Variants in CACNA1B observed in about 807,000 individuals in gnomAD.
CACNA1B encodes calcium voltage-gated channel subunit alpha1 B.
A neutral mutation model predicts 247.2 loss-of-function variants in CACNA1B; 70 were observed. The ratio of observed to expected loss-of-function variants is 0.28; its 90% CI spans 0.23 to 0.35. The LOEUF (loss-of-function observed/expected upper bound fraction) is 0.35, where lower values mean the gene tolerates loss of function less well. Among genes scored for constraint, CACNA1B ranks in the 10% least tolerant of loss-of-function variants. The pLI, the probability that CACNA1B is intolerant of heterozygous loss-of-function variation, is 1.00. For missense variants in CACNA1B, 2,367 were observed against 3,197.4 expected, an observed-to-expected ratio of 0.74 and a Z score of 6.26; for synonymous variants, 1,231 against 1,294.4, an observed-to-expected ratio of 0.95 and a Z score of 1.05.
intron 6 of CACNA1B, among the ~76,000 whole-genome samples, chr9:137,920,799 A>G (rs1346243480): frequency 6.6e-6 from 1 of 152,206 alleles, no homozygotes; most frequent in Non-Finnish European, 1.5e-5. Context: ...TTGCTCATAG[A>G]GTGGATGTGA....
Position 138,014,552 on chromosome 9 carries a change from G to A in CACNA1B, c.2267+1317G>A, listed in dbSNP as rs1466897300. On this transcript the variant is annotated intron_variant, in intron 18 of 46. Coordinates refer to ENST00000371372, the MANE Select transcript of CACNA1B (RefSeq NM_000718.4). This position sits in a 1 kb window ranked among gnomAD's most constrained non-coding sequence, Gnocchi z 6.2. ...GATCTTTCATTGTCTTGGCCAATTC[G>A]GTTATTTGGTTCATTAGTTATTTAG... Among the ~76,000 whole-genome samples the A allele has an allele frequency of 1.3e-5, 2 of 152,132 alleles. No individual in the cohort carries two copies. Among genetic ancestry groups the A allele is most frequent in the Admixed American group, 6.5e-5 (1 of 15,274 alleles).
At chr9:138,087,384 C>CAAA (rs58566171) in intron 36 of CACNA1B, among the ~76,000 whole-genome samples, 9 of 52,656 alleles carry the variant, frequency 1.7e-4, no homozygotes, top group South Asian at 7.9e-4. Flanking sequence ...GACTCTGTCT[C>CAAA]AAAAAAAAAA....
At chr9:138,004,935 G>A (rs1449343604) in intron 15 of CACNA1B, among the ~76,000 whole-genome samples, 1 of 152,192 alleles carries the variant, frequency 6.6e-6, no homozygotes. Context: ...CCACAGTGAG[G>A]TATCGTCTCA....
At chr9:138,047,094 C>T in intron 22 of CACNA1B, 61 bp downstream of exon 22, 2 of 1,515,718 alleles carry the variant, frequency 1.3e-6, no homozygotes, top group Non-Finnish European at 8.9e-7. Flanking sequence ...GGTGCCTTCC[C>T]AGGGGCCCAA....
At position 138,120,209 on chromosome 9, in the gene CACNA1B, G is replaced by A. The variant is rs1962033703; in HGVS notation, c.6075G>A (p.Leu2025=). Residue 2025 remains leucine, a synonymous_variant, in exon 45 of 47, where the codon CTG becomes CTA. Transcript: ENST00000371372. ...CCATGAAGCGCTCCATCTCCACGCTGGCCCAGCGGCCCCGTGGGACTCATC... is the reference window on the plus strand; with the variant it reads ...CCATGAAGCGCTCCATCTCCACGCTAGCCCAGCGGCCCCGTGGGACTCATC... ...ASPMKRSIST[L]AQRPRGTHLC... is the part of the protein sequence containing the mutation. 1 of 1,608,822 alleles carries A rather than the reference G, an allele frequency of 6.2e-7. No individual in the cohort carries two copies. The highest frequency in any genetic ancestry group is 8.5e-7 in the Non-Finnish European group (1 of 1,178,312).
intron 6 of CACNA1B, among the ~76,000 whole-genome samples, chr9:137,925,216 G>A (rs1367251560): frequency 6.6e-6 from 1 of 152,200 alleles, no homozygotes; most frequent in East Asian, 1.9e-4. Context: ...CGTGAGTGGG[G>A]AGCGCCATCC....
chr9:138,118,045 C>T lies in CACNA1B; in HGVS notation c.5877C>T (p.His1959=), dbSNP rs1487796433. The T allele has an allele frequency of 6.3e-7, 1 of 1,596,556 alleles. No individual in the cohort carries two copies. Among genetic ancestry groups the T allele is most frequent in the Non-Finnish European group, 8.5e-7 (1 of 1,171,586 alleles). Residue 1959 remains histidine, a synonymous_variant, in exon 43 of 47, where the codon CAC becomes CAT. Transcript: ENST00000371372. Reference sequence around the variant, plus strand: ...CCAGGCCACCCCTGGAGCGTGGCCACTCCACAGAGATCCCTGTGGGGCGGT... The same window carrying T: ...CCAGGCCACCCCTGGAGCGTGGCCATTCCACAGAGATCCCTGTGGGGCGGT... ...HEARPPLERG[H]STEIPVGRSG...
intron 15 of CACNA1B, among the ~76,000 whole-genome samples, chr9:138,006,203 CAT>C (rs1958647583): frequency 6.6e-6 from 1 of 152,080 alleles, no homozygotes; most frequent in Non-Finnish European, 1.5e-5. Context: ...GTGGGGGACA[CAT>C]GAGTGTTTAT....
intron 10 of CACNA1B, among the ~76,000 whole-genome samples, chr9:137,958,552 G>T (rs1174494681): frequency 1.3e-5 from 2 of 152,204 alleles, no homozygotes; most frequent in Admixed American, 1.3e-4. Context: ...TTGTTCAGTT[G>T]CTCGTCTGCT....
At chr9:138,115,908 G>A (rs544005381) in intron 42 of CACNA1B, among the ~76,000 whole-genome samples, 1 of 152,342 alleles carries the variant, frequency 6.6e-6, no homozygotes, top group South Asian at 2.1e-4. Flanking sequence ...GTTCTCAGGG[G>A]CTGGCTTTGC....
At chr9:138,029,527 A>G (rs1482161480) in intron 20 of CACNA1B, among the ~76,000 whole-genome samples, 1 of 151,954 alleles carries the variant, frequency 6.6e-6, no homozygotes, top group East Asian at 1.9e-4. Flanking sequence ...AGAGTGGCTT[A>G]AAGTTTTAAA....
chr9:137,878,992 C>G (rs1393061242), intron 1 of CACNA1B, 62 bp from the exon 2 acceptor site: 1 of 1,074,556 alleles, frequency 9.3e-7, no homozygotes, highest in African/African-American at 1.6e-5. Context: ...CTGGGCTCTG[C>G]TGGCGTCGGC....
At position 138,059,690 on chromosome 9, in the gene CACNA1B, G is replaced by A. The variant is rs369261226; in HGVS notation, c.4621G>A (p.Val1541Ile). Residue 1541 changes from valine to isoleucine, a missense_variant, in exon 31 of 47, where the codon GTC (valine) becomes ATC (isoleucine). Physicochemically the swap from Val to Ile is conservative, Grantham distance 29. This residue lies in a region of CACNA1B where 436 missense variants were observed against 679.5 expected (regional missense o/e 0.64). Transcript: ENST00000371372. The surrounding 1 kb of genome is among the most constrained non-coding windows in gnomAD (Gnocchi z 4.2). ...AGATGCCTGGAATGTCTTTGACTTT[G>A]TCACTGTGTTGGGAAGTATTACTGA... ...FRDAWNVFDF[V>I]TVLGSITDIL... The A allele has an allele frequency of 4.3e-6, 7 of 1,609,426 alleles. No individual in the cohort carries two copies. In the East Asian group the frequency reaches 1.3e-4, roughly 31 times the overall value.
chr9:137,878,912 C>A (rs1956876516), intron 1 of CACNA1B, 142 bp from the exon 2 acceptor site: 1 of 584,314 alleles, frequency 1.7e-6, no homozygotes. Context: ...CAGGCCGCTT[C>A]CGCCAGGAGA....
chr9:137,971,924 G>T lies in CACNA1B; in HGVS notation c.1543+332G>T, dbSNP rs1262538767. On this transcript the variant is annotated intron_variant, in intron 11 of 46. Coordinates refer to ENST00000371372, the MANE Select transcript of CACNA1B (RefSeq NM_000718.4). The surrounding 1 kb of genome is among the most constrained non-coding windows in gnomAD (Gnocchi z 4.4). The stretch of plus-strand genomic sequence containing the variant: ...GGACGACCAGGGGCGAGTCAGGCCA[G>T]GCAGATGGGTGTCCTCCCCTGAGAG... 6.6e-6 allele frequency among the ~76,000 whole-genome samples: 1 copy of T among 152,056 alleles called. No homozygotes were observed. Among genetic ancestry groups the T allele is most frequent in the Non-Finnish European group, 1.5e-5 (1 of 67,984 alleles).
intron 3 of CACNA1B, among the ~76,000 whole-genome samples, chr9:137,902,212 C>T (rs1957247924): frequency 6.6e-6 from 1 of 152,128 alleles, no homozygotes; most frequent in Non-Finnish European, 1.5e-5. Flanking sequence ...GGAAATTTCT[C>T]CATTAACGTT....
In CACNA1B at chr9:138,072,461, A is replaced by T. The variant is rs1305677593; in HGVS notation, c.4675-1027A>T. 6.6e-6 allele frequency among the ~76,000 whole-genome samples: 1 copy of T among 152,188 alleles called. No individual in the cohort carries two copies. The highest frequency in any genetic ancestry group is 6.5e-5 in the Admixed American group (1 of 15,278). ...CACGTGCTCCTGCTGCTGCTGTCTC[A>T]TTTGACATCTGTGTTCTCTTTATTT... On this transcript the variant is annotated intron_variant, in intron 32 of 46. Coordinates refer to ENST00000371372, the MANE Select transcript of CACNA1B (RefSeq NM_000718.4). This position sits in a 1 kb window ranked among gnomAD's most constrained non-coding sequence, Gnocchi z 4.5.
At chr9:138,013,072 TG>T in intron 17 of CACNA1B, 56 bp from the exon 18 acceptor site, 1 of 1,245,226 alleles carries the variant, frequency 8.0e-7, no homozygotes, top group Non-Finnish European at 1.2e-6. Flanking sequence ...ATATAGCCAG[TG>T]TTAGAGTGGC....
In CACNA1B at chr9:137,914,623, T is replaced by G. The variant is rs200181283; in HGVS notation, c.623-31T>G. 24 of 1,607,466 alleles carry G rather than the reference T, an allele frequency of 1.5e-5. No individual in the cohort carries two copies. The African/African-American group carries it at 2.7e-4, about 18-fold the overall frequency. On this transcript the variant is annotated intron_variant, in intron 4 of 46. Transcript: ENST00000371372. The surrounding 1 kb of genome is among the most constrained non-coding windows in gnomAD (Gnocchi z 4.3). ...ATTCCTTGCCCTACCCTGCCCACGT[T>G]GCTTCCTGACCTGCCCTGTTCTGGC...
Sources: gnomAD v4.1 joint callset for allele counts (sites outside exome capture counted in the v4.1 genomes callset) on GRCh38, gnomAD v4.1.1 for gene constraint, gnomAD v4.1.1 regional missense constraint, Gnocchi (gnomAD v3.1) non-coding constraint, MANE v1.5 for transcripts, NCBI Gene and HGNC (gene_info 2026-07-23, HGNC 2026-07-21) for gene names.